Variants in AAK1 observed in about 807,000 individuals in gnomAD.
The protein encoded by AAK1 is AP2 associated kinase 1, also known as AP2-associated protein kinase 1.
Under a neutral mutation model 116.0 loss-of-function variants are expected in AAK1, and 37 were observed. The observed-to-expected ratio is 0.32, with a 90% CI of 0.25 to 0.42. AAK1 has a LOEUF of 0.42. AAK1 is among the 10% of genes least tolerant of loss of function. AAK1 has a pLI of 1.00. For synonymous variants in AAK1, 458 were observed against 439.9 expected (o/e 1.04, Z -0.51); for missense variants, 919 against 1,170.6 (o/e 0.79, Z 3.14).
rs1168615184 is a variant in AAK1 at position 69,475,957 on chromosome 2, T to A, written c.2798A>T (p.His933Leu). Residue 933 changes from histidine (H) to leucine (L), a missense_variant, in exon 22 of 22, where the codon CAC (histidine) becomes CTC (leucine). Physicochemically the swap from His to Leu is moderately conservative, Grantham distance 99. Transcript: ENST00000409085. ...VLITKNPQGG[H>L]SRNSSGSSES... ...AGAGCTCCCACTGCTGTTTCTAGAG[T>A]GCCCACCTGGAAGTGGAGAGATAGG... 1 of 1,611,210 alleles carries A rather than the reference T, an allele frequency of 6.2e-7. No homozygotes were observed.
intron 18 of AAK1, 67 bp from the exon 19 acceptor site, chr2:69,481,028 A>AC: frequency 3.1e-6 from 4 of 1,281,484 alleles, no homozygotes; most frequent in Non-Finnish European, 4.3e-6. Flanking sequence ...TCTTTAGGAA[A>AC]TTCTGTGAAG....
At position 69,643,222 on chromosome 2, in the gene AAK1, A is replaced by T; in HGVS notation, c.-182T>A. 8 of 1,410,016 alleles carry T rather than the reference A, an allele frequency of 5.7e-6. No homozygotes were observed. The highest frequency in any genetic ancestry group is 7.3e-6 in the Non-Finnish European group (8 of 1,089,654). 87.3% of individuals were successfully genotyped at this position (1,410,016 alleles called of 1,614,324 possible). A position where few individuals can be genotyped will look rare whatever the true frequency, so the allele number is the denominator to read the frequency against. On this transcript the variant is annotated 5_prime_UTR_variant, in exon 2 of 22. In the 5' UTR this introduces an upstream ATG that the reference lacks. Coordinates refer to ENST00000409085, the MANE Select transcript of AAK1 (RefSeq NM_014911.5). Reference sequence around the variant, plus strand: ...GATGCCTATAGGAATATGCGTGTCAATCGCGCAGCGGGTCCCCTCCTCCTC... The same window carrying T: ...GATGCCTATAGGAATATGCGTGTCATTCGCGCAGCGGGTCCCCTCCTCCTC...
At chr2:69,552,522 GC>G (rs1179198885) in intron 3 of AAK1, among the ~76,000 whole-genome samples, 1 of 152,048 alleles carries the variant, frequency 6.6e-6, no homozygotes, top group Non-Finnish European at 1.5e-5. Context: ...GACCAGCCTG[GC>G]CAACATGGTG....
chr2:69,473,139 A>T lies in AAK1; in HGVS notation c.*2730T>A. ...TAAGGAACAGCAACTCTGAGAGGTG[A>T]AGTGCCTGCTGAAGGTCACTCAGCC... On this transcript the variant is annotated 3_prime_UTR_variant, in exon 22 of 22. Coordinates refer to ENST00000409085, the MANE Select transcript of AAK1 (RefSeq NM_014911.5). The T allele has an allele frequency of 1.2e-6, 1 of 813,630 alleles. No homozygotes were observed. 50.4% of individuals were successfully genotyped at this position (813,630 alleles called of 1,614,324 possible). A position where few individuals can be genotyped will look rare whatever the true frequency, so the allele number is the denominator to read the frequency against.
chr2:69,470,119 A>G lies in AAK1; in HGVS notation c.*5750T>C. The stretch of plus-strand genomic sequence containing the variant: ...TCTGAAGACTTAAATGTCAGGCTGG[A>G]TATTCCTTAATGAAATACATCACAC... On this transcript the variant is annotated 3_prime_UTR_variant, in exon 22 of 22. Coordinates refer to ENST00000409085, the MANE Select transcript of AAK1 (RefSeq NM_014911.5). 3.0e-6 allele frequency: 3 copies of G among 985,424 alleles called. No individual in the cohort carries two copies. Among genetic ancestry groups the G allele is most frequent in the Non-Finnish European group, 3.6e-6 (3 of 829,930 alleles). The allele number at this position is 985,424 out of a possible 1,614,324, so 61.0% of individuals were successfully genotyped here. A position where few individuals can be genotyped will look rare whatever the true frequency, so the allele number is the denominator to read the frequency against.
At position 69,473,711 on chromosome 2, in the gene AAK1, CATTAT is replaced by C; in HGVS notation, c.*2153_*2157del. ...AATTAAATTGAGAAACTAGATATTTCATTATATTTCTAACATGTATATACGAAAAA... is the reference window on the plus strand; with the variant it reads ...AATTAAATTGAGAAACTAGATATTTCATTTCTAACATGTATATACGAAAAA... On this transcript the variant is annotated 3_prime_UTR_variant, in exon 22 of 22. Transcript: ENST00000409085. 1.0e-6 allele frequency: 1 copy of C among 959,372 alleles called. No homozygotes were observed. Among genetic ancestry groups the C allele is most frequent in the South Asian group, 4.8e-5 (1 of 20,748 alleles). 59.4% of individuals were successfully genotyped at this position (959,372 alleles called of 1,614,324 possible).
chr2:69,642,852 T>A (rs1373648689), intron 2 of AAK1, 26 bp downstream of exon 2: 1 of 1,613,260 alleles, frequency 6.2e-7, no homozygotes, highest in African/African-American at 1.3e-5. Context: ...AGATTTTAAT[T>A]TACGGCGCAT....
Position 69,473,992 on chromosome 2 carries a change from G to C in AAK1, c.*1877C>G. 3.0e-6 allele frequency: 3 copies of C among 985,714 alleles called. No homozygotes were observed. Among genetic ancestry groups the C allele is most frequent in the Non-Finnish European group, 3.6e-6 (3 of 829,940 alleles). The allele number at this position is 985,714 out of a possible 1,614,324, so 61.1% of individuals were successfully genotyped here. A position where few individuals can be genotyped will look rare whatever the true frequency, so the allele number is the denominator to read the frequency against. On this transcript the variant is annotated 3_prime_UTR_variant, in exon 22 of 22. Transcript: ENST00000409085. ...TGTGCCTCTCTCAGTTTTGGAAATG[G>C]TCTGTTATTCAACTAGAGGCCTTTA...
Position 69,464,075 on chromosome 2 carries a change from A to G in AAK1, c.*11794T>C, listed in dbSNP as rs1396257017. The G allele has an allele frequency of 6.6e-6, 1 of 152,652 alleles. No homozygotes were observed. Among genetic ancestry groups the G allele is most frequent in the East Asian group, 1.9e-4 (1 of 5,202 alleles). 9.5% of individuals were successfully genotyped at this position (152,652 alleles called of 1,614,324 possible). A position where few individuals can be genotyped will look rare whatever the true frequency, so the allele number is the denominator to read the frequency against. On this transcript the variant is annotated 3_prime_UTR_variant, in exon 22 of 22. Coordinates refer to ENST00000409085, the MANE Select transcript of AAK1 (RefSeq NM_014911.5). ...ACCTGTCTGGCCTATTTCAACATCT[A>G]AAGAGGATAGAGAATGTAAAAGTTT...
chr2:69,490,152 C>T (rs780562135), intron 17 of AAK1, among the ~76,000 whole-genome samples: 9 of 152,126 alleles, frequency 5.9e-5, no homozygotes, highest in Non-Finnish European at 1.0e-4. Context: ...TGTGGAACGC[C>T]GAGATCAGTA....
chr2:69,582,085 A>T (rs1474589933), intron 2 of AAK1, among the ~76,000 whole-genome samples: 2 of 152,188 alleles, frequency 1.3e-5, no homozygotes, highest in African/African-American at 4.8e-5. Context: ...TAAGCTACTT[A>T]TTAAGTACCT....
In AAK1 at chr2:69,474,044, C is replaced by G. The variant is rs994718571; in HGVS notation, c.*1825G>C. On this transcript the variant is annotated 3_prime_UTR_variant, in exon 22 of 22. Coordinates refer to ENST00000409085, the MANE Select transcript of AAK1 (RefSeq NM_014911.5). ...CTAGCTCATCTTGTTTCAGCCAGCACGGGAAGTATTTAAAGACAGAAGGAA... is the reference window on the plus strand; with the variant it reads ...CTAGCTCATCTTGTTTCAGCCAGCAGGGGAAGTATTTAAAGACAGAAGGAA... 2 of 985,684 alleles carry G rather than the reference C, an allele frequency of 2.0e-6. No homozygotes were observed. The highest frequency in any genetic ancestry group is 3.5e-5 in the African/African-American group (2 of 57,196). The allele number at this position is 985,684 out of a possible 1,614,324, so 61.1% of individuals were successfully genotyped here. A position where few individuals can be genotyped will look rare whatever the true frequency, so the allele number is the denominator to read the frequency against.
At position 69,519,015 on chromosome 2, in the gene AAK1, G is replaced by C. The variant is rs757051527; in HGVS notation, c.1436C>G (p.Pro479Arg). 1 of 1,549,432 alleles carries C rather than the reference G, an allele frequency of 6.5e-7. No homozygotes were observed. The highest frequency in any genetic ancestry group is 8.7e-7 in the Non-Finnish European group (1 of 1,146,060). Reference protein sequence around the residue: ...LKQQQQQQQPPPAQQQPAGTF... With the variant: ...LKQQQQQQQPRPAQQQPAGTF... ...GCCTGCCGGCTGCTGCTGTGCTGGC[G>C]GTGGCTGTTGCTGCTGCTGTTGCTG... The change falls in exon 12 of 22, where the codon CCG becomes CGG. Residue 479 changes from proline (P) to arginine (R), a missense_variant. By Grantham distance (103) the Pro-to-Arg change is moderately radical. Around this residue, in one of 4 missense-constraint regions of AAK1, gnomAD observed 214 missense variants for 210.6 expected, o/e 1.02. Transcript: ENST00000409085.
At chr2:69,518,864 T>C (rs1676702716) in intron 12 of AAK1, 90 bp downstream of exon 12, 40 of 1,447,772 alleles carry the variant, frequency 2.8e-5, no homozygotes, top group Non-Finnish European at 3.3e-5. Context: ...TAATGTTTAA[T>C]GGCTCTCTGG....
At chr2:69,571,179 T>C (rs1017492415) in intron 2 of AAK1, among the ~76,000 whole-genome samples, 2 of 152,130 alleles carry the variant, frequency 1.3e-5, no homozygotes, top group Admixed American at 6.5e-5. Context: ...AAAATAATGA[T>C]TAGAGATGTA....
At chr2:69,559,203 C>T (rs1031452124) in intron 2 of AAK1, among the ~76,000 whole-genome samples, 1 of 151,542 alleles carries the variant, frequency 6.6e-6, no homozygotes, top group Non-Finnish European at 1.5e-5. Flanking sequence ...ATCTCAATAA[C>T]ATTTTCCATT....
chr2:69,556,161 C>T (rs1356936050), intron 3 of AAK1, among the ~76,000 whole-genome samples: 1 of 152,160 alleles, frequency 6.6e-6, no homozygotes, highest in African/African-American at 2.4e-5. Context: ...AGTTCTGACA[C>T]ATATATACCC....
intron 2 of AAK1, among the ~76,000 whole-genome samples, chr2:69,582,367 G>A (rs139988749): frequency 4.0e-5 from 6 of 151,896 alleles, no homozygotes; most frequent in Non-Finnish European, 7.4e-5. Context: ...AAAAACCTCC[G>A]TGTGTGCGTG....
At chr2:69,500,118 G>A in intron 16 of AAK1, 1 of 152,174 alleles carries the variant, frequency 6.6e-6, no homozygotes, top group Non-Finnish European at 1.5e-5. Context: ...TTCCTGCTTA[G>A]TTTCTCCTTT....
Sources: allele counts gnomAD v4.1 joint callset (sites outside exome capture counted in the v4.1 genomes callset), GRCh38; gene constraint gnomAD v4.1.1; regional missense constraint gnomAD v4.1.1; transcripts MANE v1.5; gene names NCBI Gene and HGNC (gene_info 2026-07-23, HGNC 2026-07-21).